The following DPCD variants were observed in gnomAD, a reference collection of about 807,000 sequenced individuals.
The protein encoded by DPCD is protein DPCD.
DPCD carries 20 observed loss-of-function variants against 26.4 expected under a neutral mutation model. That is an observed-to-expected ratio of 0.76 (90% CI 0.53 to 1.10). The LOEUF (loss-of-function observed/expected upper bound fraction) is 1.10. Among genes scored for constraint, DPCD ranks in the 50% least tolerant of loss-of-function variants. DPCD has a pLI of 0.00. For synonymous variants in DPCD, 97 were observed against 94.2 expected (o/e 1.03, Z -0.17); for missense variants, 202 against 253.9 (o/e 0.80, Z 1.39).
chr10:101,601,960 G>A (rs2063701657), intron 4 of DPCD, among the ~76,000 whole-genome samples: 1 of 152,210 alleles, frequency 6.6e-6, no homozygotes, highest in African/African-American at 2.4e-5. Context: ...TGCAGGGGTT[G>A]AAAGGACAGA....
intron 4 of DPCD, among the ~76,000 whole-genome samples, chr10:101,606,098 ACTATCCTG>A (rs1251952990): frequency 2.0e-5 from 3 of 152,190 alleles, no homozygotes; most frequent in Admixed American, 2.0e-4. Context: ...AAGCCAGGGA[ACTATCCTG>A]CTGTAAGGGT....
At chr10:101,605,031 G>A (rs2063723713) in intron 4 of DPCD, 2 of 1,479,424 alleles carry the variant, frequency 1.4e-6, no homozygotes, top group South Asian at 1.3e-5. Context: ...AGAGCCTTTA[G>A]TATGTGTGTG....
chr10:101,593,953 A>T (rs2063631492), intron 1 of DPCD, among the ~76,000 whole-genome samples: 1 of 152,190 alleles, frequency 6.6e-6, no homozygotes, highest in African/African-American at 2.4e-5. Flanking sequence ...TAGCATGGGG[A>T]TAAAACCCCT....
intron 2 of DPCD, among the ~76,000 whole-genome samples, chr10:101,596,322 C>T (rs1589723360): frequency 6.6e-6 from 1 of 152,012 alleles, no homozygotes. Flanking sequence ...GGGCACCATG[C>T]TAAGTGCTCT....
chr10:101,608,375 C>G (rs886534107), intron 4 of DPCD, among the ~76,000 whole-genome samples: 1 of 152,222 alleles, frequency 6.6e-6, no homozygotes, highest in Non-Finnish European at 1.5e-5. Context: ...GTGGACCTCC[C>G]ATGTAAATGG....
chr10:101,600,799 A>T lies in DPCD; in HGVS notation c.207A>T (p.Gly69=), dbSNP rs1200887182. ...TGGGCCAGTGGCAGCTTGAAGTAGGAGACCCAGCGCCCCTAGGAGCAGGGA... is the reference window on the plus strand; with the variant it reads ...TGGGCCAGTGGCAGCTTGAAGTAGGTGACCCAGCGCCCCTAGGAGCAGGGA... ...GAMGQWQLEV[G]DPAPLGAGNL... Residue 69 remains glycine, a synonymous_variant, in exon 3 of 6, where the codon GGA becomes GGT. Transcript: ENST00000370151. This position sits in a 1 kb window ranked among gnomAD's most constrained non-coding sequence, Gnocchi z 4.7. 6.2e-7 allele frequency: 1 copy of T among 1,613,946 alleles called. No homozygotes were observed. Among genetic ancestry groups the T allele is most frequent in the Non-Finnish European group, 8.5e-7 (1 of 1,179,972 alleles).
intron 4 of DPCD, chr10:101,605,136 A>C: frequency 1.9e-6 from 3 of 1,550,522 alleles, no homozygotes; most frequent in Admixed American, 2.0e-5. Flanking sequence ...CTGCTTTTCT[A>C]AAGGCGGACT....
Position 101,609,456 on chromosome 10 carries a change from C to T in DPCD, c.597C>T (p.Asp199=). The T allele has an allele frequency of 6.2e-7, 1 of 1,614,072 alleles. No homozygotes were observed. The highest frequency in any genetic ancestry group is 8.5e-7 in the Non-Finnish European group (1 of 1,179,992). ...KVKTAHSNDG[D]CKTQ is the part of the protein sequence containing the mutation. ...AGACAGCCCACAGCAACGATGGGGACTGCAAGACCCAGTAGTTGGCCCCTG... is the reference window on the plus strand; with the variant it reads ...AGACAGCCCACAGCAACGATGGGGATTGCAAGACCCAGTAGTTGGCCCCTG... Residue 199 remains aspartate (D), a synonymous_variant, in exon 6 of 6, where the codon GAC becomes GAT. Coordinates refer to ENST00000370151, the MANE Select transcript of DPCD (RefSeq NM_015448.3).
intron 4 of DPCD, among the ~76,000 whole-genome samples, chr10:101,607,120 G>C (rs1048438045): frequency 3.4e-4 from 52 of 152,182 alleles, no homozygotes; most frequent in African/African-American, 1.2e-3. Context: ...GCCCCAGCCT[G>C]GGGGAATGGT....
At chr10:101,605,189 G>A in intron 4 of DPCD, 1 of 1,550,496 alleles carries the variant, frequency 6.4e-7, no homozygotes, top group Non-Finnish European at 8.7e-7. Flanking sequence ...GCGGTGTGCA[G>A]GTGTGCATGG....
chr10:101,601,116 CTTG>C lies in DPCD; in HGVS notation c.271-82_271-80del, dbSNP rs1056317093. ...GGAGCAGTGGAGAAGAGCTGAGGGT[CTTG>C]TTGTGCCCCGGGGTAGCGCTCTGAT... On this transcript the variant is annotated intron_variant, in intron 3 of 5. Coordinates refer to ENST00000370151, the MANE Select transcript of DPCD (RefSeq NM_015448.3). The C allele has an allele frequency of 7.0e-6, 11 of 1,577,708 alleles. No individual in the cohort carries two copies. In the African/African-American group the frequency reaches 1.1e-4, roughly 15 times the overall value.
intron 2 of DPCD, chr10:101,596,765 G>A (rs922338259): frequency 3.3e-5 from 5 of 151,808 alleles, no homozygotes; most frequent in African/African-American, 1.2e-4. Context: ...GGGTTGAGCT[G>A]GCTTTTGCTT....
intron 2 of DPCD, among the ~76,000 whole-genome samples, chr10:101,597,177 G>A (rs780041060): frequency 5.9e-5 from 9 of 152,280 alleles, no homozygotes; most frequent in East Asian, 1.9e-4. Context: ...GATTACATTC[G>A]GATTACCGAC....
At chr10:101,608,223 G>A (rs144325322) in intron 4 of DPCD, among the ~76,000 whole-genome samples, 122 of 152,254 alleles carry the variant, frequency 8.0e-4, no homozygotes, top group Middle Eastern at 3.4e-3. Flanking sequence ...TAGTCCAGAG[G>A]TCCAGCTTCC....
Position 101,609,528 on chromosome 10 carries a change from G to A in DPCD, c.*57G>A. On this transcript the variant is annotated 3_prime_UTR_variant, in exon 6 of 6. Coordinates refer to ENST00000370151, the MANE Select transcript of DPCD (RefSeq NM_015448.3). ...GGGGTGCCGTGAGACTTCAAGGCTT[G>A]GCCCTTCTTGACCACGGCAGCCTCC... The A allele has an allele frequency of 1.3e-6, 2 of 1,527,696 alleles. No individual in the cohort carries two copies. Among genetic ancestry groups the A allele is most frequent in the Non-Finnish European group, 1.8e-6 (2 of 1,112,852 alleles). 94.6% of individuals were successfully genotyped at this position (1,527,696 alleles called of 1,614,324 possible). A position where few individuals can be genotyped will look rare whatever the true frequency, so the allele number is the denominator to read the frequency against.
intron 1 of DPCD, among the ~76,000 whole-genome samples, chr10:101,589,167 G>C (rs1389514652): frequency 6.6e-6 from 1 of 152,130 alleles, no homozygotes; most frequent in Non-Finnish European, 1.5e-5. Context: ...TCACAGGCAG[G>C]GGCCAATCAG....
Position 101,600,834 on chromosome 10 carries a change from C to T in DPCD, c.242C>T (p.Pro81Leu), listed in dbSNP as rs146371249. 2 of 1,613,902 alleles carry T rather than the reference C, an allele frequency of 1.2e-6. No homozygotes were observed. Among genetic ancestry groups the T allele is most frequent in the Non-Finnish European group, 1.7e-6 (2 of 1,179,980 alleles). The change falls in exon 3 of 6, where the codon CCT becomes CTT. Residue 81 changes from proline (P) to leucine (L), a missense_variant. Pro to Leu is a moderately conservative substitution (Grantham distance 98). Around this residue, in one of 3 missense-constraint regions of DPCD, gnomAD observed 37 missense variants for 76.0 expected, o/e 0.49. Transcript: ENST00000370151. This position sits in a 1 kb window ranked among gnomAD's most constrained non-coding sequence, Gnocchi z 4.7. ...CCCCTAGGAGCAGGGAACCTGGGGC[C>T]TGAACTCATCAAGGAAAGCAATGCC... ...PAPLGAGNLGPELIKESNANP... is the reference protein window; with the variant it reads ...PAPLGAGNLGLELIKESNANP...
rs149463737 is a variant in DPCD at position 101,600,750 on chromosome 10, G to A, written c.158G>A (p.Arg53His). Residue 53 changes from arginine to histidine, a missense_variant, in exon 3 of 6, where the codon CGT (arginine) becomes CAT (histidine). Transcript: ENST00000370151. This position sits in a 1 kb window ranked among gnomAD's most constrained non-coding sequence, Gnocchi z 4.7. Reference sequence around the variant, plus strand: ...CTTCTCTCCCCAGTGAGAAAGTGGCGTGTGAAAAGTGCCCTGGGAGCCATG... The same window carrying A: ...CTTCTCTCCCCAGTGAGAAAGTGGCATGTGAAAAGTGCCCTGGGAGCCATG... ...KTSELLVRKW[R>H]VKSALGAMGQ... The A allele has an allele frequency of 6.6e-5, 107 of 1,613,030 alleles. No individual in the cohort carries two copies. Among genetic ancestry groups the A allele is most frequent in the South Asian group, 3.4e-4 (31 of 91,014 alleles).
chr10:101,609,027 C>G, intron 5 of DPCD, 90 bp downstream of exon 5: 1 of 1,109,278 alleles, frequency 9.0e-7, no homozygotes, highest in Non-Finnish European at 1.4e-6. Flanking sequence ...GTCCTCAGTT[C>G]TAGCCCCAAG....
Sources: allele counts gnomAD v4.1 joint callset (sites outside exome capture counted in the v4.1 genomes callset), GRCh38; gene constraint gnomAD v4.1.1; regional missense constraint gnomAD v4.1.1; non-coding constraint Gnocchi (gnomAD v3.1); transcripts MANE v1.5; gene names NCBI Gene and HGNC (gene_info 2026-07-23, HGNC 2026-07-21).